KIF21A: variants seen among roughly 807,000 people sequenced by gnomAD.
KIF21A encodes kinesin family member 21A, also known as kinesin-like protein KIF21A.
In KIF21A, 114 loss-of-function variants were observed where a neutral mutation model predicts 202.9. That is an observed-to-expected ratio of 0.56 (90% CI 0.48 to 0.66). The LOEUF (loss-of-function observed/expected upper bound fraction) is 0.66, where lower values mean the gene tolerates loss of function less well. KIF21A is among the 30% of genes least tolerant of loss of function. The pLI is 0.00. For missense variants in KIF21A, 1,677 were observed against 1,994.9 expected (o/e 0.84, Z 3.04); for synonymous variants, 667 against 670.8 (o/e 0.99, Z 0.09).
rs1022117532 is a variant in KIF21A, at chr12:39,442,474, T to G, written c.44+453A>C. Among the ~76,000 whole-genome samples, 3 of 152,024 alleles carry G rather than the reference T, an allele frequency of 2.0e-5. No homozygotes were observed. On this transcript the variant is annotated intron_variant, in intron 1 of 37. Transcript: ENST00000361418. This position sits in a 1 kb window ranked among gnomAD's most constrained non-coding sequence, Gnocchi z 5.0. ...ATAGTCAGATGCTTTGTCTCCTGCC[T>G]GGGAAGGCCGGAGCTGCATGGACAC...
chr12:39,420,074 T>TAAAAAAAAAAAAAAAAAAAAAAAAAAAAA (rs72435342), intron 1 of KIF21A, among the ~76,000 whole-genome samples: 1 of 83,128 alleles, frequency 1.2e-5, no homozygotes, highest in African/African-American at 4.4e-5. Flanking sequence ...AGACAGAAAG[T>TAAAAAAAAAAAAAAAAAAAAAAAAAAAAA]AAAAAAAAAA....
At chr12:39,421,723 T>TTTTATATATA (rs944109985) in intron 1 of KIF21A, among the ~76,000 whole-genome samples, 3 of 135,000 alleles carry the variant, frequency 2.2e-5, no homozygotes, top group African/African-American at 8.4e-5. Flanking sequence ...TATATATAAT[T>TTTTATATATA]TATATATATA....
In KIF21A at chr12:39,341,063, A is replaced by G; in HGVS notation, c.1953T>C (p.Thr651=). 7 of 1,610,334 alleles carry G rather than the reference A, an allele frequency of 4.3e-6. No homozygotes were observed. The highest frequency in any genetic ancestry group is 5.1e-6 in the Non-Finnish European group (6 of 1,177,724). The change falls in exon 15 of 38, where the codon ACT becomes ACC. Residue 651 remains threonine (T), a synonymous_variant. Coordinates refer to ENST00000361418, the MANE Select transcript of KIF21A (RefSeq NM_001173464.2). ...GCTTTTGCTTAATTGCAATTTCACA[A>G]GTAATGTTTGCCAAGTCTGCTTGAT... is the stretch of plus-strand genomic sequence containing the variant. ...ANYQADLANI[T]CEIAIKQKLI...
At chr12:39,312,549 T>C (rs1453561199) in intron 31 of KIF21A, 1 of 151,958 alleles carries the variant, frequency 6.6e-6, no homozygotes, top group African/African-American at 2.4e-5. Context: ...CAAAGGATAA[T>C]TGCTTGAGGG....
At position 39,332,883 on chromosome 12, in the gene KIF21A, T is replaced by C. The variant is rs371053951; in HGVS notation, c.2702+10A>G. 44 of 1,612,850 alleles carry C rather than the reference T, an allele frequency of 2.7e-5. No individual in the cohort carries two copies. The African/African-American group carries it at 5.9e-4, about 21-fold the overall frequency. On this transcript the variant is annotated intron_variant, in intron 19 of 37. Coordinates refer to ENST00000361418, the MANE Select transcript of KIF21A (RefSeq NM_001173464.2). ...GAAGATTACATCAGCAGGAACAGAA[T>C]TATGTAGACCTGTTTCCATTTGTTG...
chr12:39,368,577 G>C (rs1417422316), intron 3 of KIF21A, among the ~76,000 whole-genome samples: 1 of 152,064 alleles, frequency 6.6e-6, no homozygotes, highest in African/African-American at 2.4e-5. Flanking sequence ...CTATCAATAT[G>C]TTTTAAAGTT....
chr12:39,393,343 C>A (rs1001259813), intron 1 of KIF21A, among the ~76,000 whole-genome samples: 1 of 152,086 alleles, frequency 6.6e-6, no homozygotes, highest in East Asian at 1.9e-4. Context: ...GTAGCAGAAC[C>A]CAGCAGGGCA....
At chr12:39,321,523 A>C (rs1457752113) in intron 27 of KIF21A, 1 of 152,206 alleles carries the variant, frequency 6.6e-6, no homozygotes, top group African/African-American at 2.4e-5. Context: ...ATGAAGCCAT[A>C]AACTATTCTG....
At chr12:39,383,359 C>T (rs998476843) in intron 1 of KIF21A, among the ~76,000 whole-genome samples, 7 of 152,146 alleles carry the variant, frequency 4.6e-5, no homozygotes, top group Non-Finnish European at 8.8e-5. Context: ...CTAGCTTTCC[C>T]CTTCCGGCAA....
At chr12:39,315,857 G>C (rs763651144) in intron 30 of KIF21A, 75 bp downstream of exon 30, 2 of 1,033,334 alleles carry the variant, frequency 1.9e-6, no homozygotes, top group East Asian at 4.7e-5. Context: ...AATGAGACTT[G>C]CTTAGAATTT....
At position 39,308,101 on chromosome 12, in the gene KIF21A, G is replaced by A. The variant is rs1331500120; in HGVS notation, c.4278-372C>T. Among the ~76,000 whole-genome samples, 4 of 151,944 alleles carry A rather than the reference G, an allele frequency of 2.6e-5. No homozygotes were observed. In the East Asian group the frequency reaches 7.7e-4, roughly 29 times the overall value. On this transcript the variant is annotated intron_variant, in intron 33 of 37. Coordinates refer to ENST00000361418, the MANE Select transcript of KIF21A (RefSeq NM_001173464.2). The stretch of plus-strand genomic sequence containing the variant: ...AATCAACAAATGCCTGGGTGTAGTG[G>A]CTCACTCCTGTAATCCCAGCACTTT...
At chr12:39,413,084 T>C (rs1374840397) in intron 1 of KIF21A, among the ~76,000 whole-genome samples, 1 of 152,242 alleles carries the variant, frequency 6.6e-6, no homozygotes, top group Non-Finnish European at 1.5e-5. Flanking sequence ...TTTGAAACCA[T>C]TAATATAGCA....
intron 1 of KIF21A, among the ~76,000 whole-genome samples, chr12:39,409,665 A>T (rs960639201): frequency 2.0e-5 from 3 of 152,070 alleles, no homozygotes; most frequent in African/African-American, 7.2e-5. Context: ...GGAGCCTGTG[A>T]ATATGTTAAT....
chr12:39,307,550 C>G lies in KIF21A; in HGVS notation c.4442+15G>C. ...TTGCCATAGGCAAGAGGTATGTTTTCTTAAAAATATCTACCTTTTAAGATC... is the reference window on the plus strand; with the variant it reads ...TTGCCATAGGCAAGAGGTATGTTTTGTTAAAAATATCTACCTTTTAAGATC... On this transcript the variant is annotated intron_variant, in intron 34 of 37. Transcript: ENST00000361418. 6.2e-7 allele frequency: 1 copy of G among 1,612,770 alleles called. No individual in the cohort carries two copies. The highest frequency in any genetic ancestry group is 8.5e-7 in the Non-Finnish European group (1 of 1,178,880).
intron 1 of KIF21A, among the ~76,000 whole-genome samples, chr12:39,434,907 G>A (rs571211459): frequency 6.6e-6 from 1 of 152,282 alleles, no homozygotes; most frequent in South Asian, 2.1e-4. Context: ...CTTAGTAGTT[G>A]TATCAAATAA....
At chr12:39,418,126 T>A (rs80028122) in intron 1 of KIF21A, among the ~76,000 whole-genome samples, 5,362 of 151,424 alleles carry the variant, frequency 0.035, 334 homozygotes, top group African/African-American at 0.12. Context: ...GAGGATCCCT[T>A]GAGCCTAACA....
intron 16 of KIF21A, among the ~76,000 whole-genome samples, chr12:39,338,291 T>A (rs571224910): frequency 1.3e-5 from 2 of 152,300 alleles, no homozygotes; most frequent in East Asian, 3.8e-4. Context: ...GCTTACAGAA[T>A]GATGATATAA....
intron 1 of KIF21A, among the ~76,000 whole-genome samples, chr12:39,406,981 C>A (rs1355259258): frequency 6.6e-6 from 1 of 152,176 alleles, no homozygotes; most frequent in Admixed American, 6.5e-5. Context: ...CAAAATCTAC[C>A]CATATACTTT....
intron 3 of KIF21A, among the ~76,000 whole-genome samples, chr12:39,368,261 T>C (rs1190669125): frequency 1.3e-5 from 2 of 152,198 alleles, no homozygotes; most frequent in Non-Finnish European, 2.9e-5. Context: ...TCATGACTAA[T>C]GGGTTGAGGA....
Sources: allele counts gnomAD v4.1 joint callset (sites outside exome capture counted in the v4.1 genomes callset), GRCh38; gene constraint gnomAD v4.1.1; non-coding constraint Gnocchi (gnomAD v3.1); transcripts MANE v1.5; gene names NCBI Gene and HGNC (gene_info 2026-07-23, HGNC 2026-07-21).